The following CPEB2 variants were observed in gnomAD, a reference collection of about 807,000 sequenced individuals.
CPEB2 encodes the protein cytoplasmic polyadenylation element binding protein 2.
In CPEB2, 56 loss-of-function variants were observed where a neutral mutation model predicts 93.6. The ratio of observed to expected loss-of-function variants is 0.60; its 90% CI spans 0.48 to 0.75. The LOEUF is 0.75. CPEB2 is among the 30% of genes least tolerant of loss of function. CPEB2 has a pLI of 0.00. For missense variants in CPEB2, 1,579 were observed against 1,395.1 expected, an observed-to-expected ratio of 1.13 and a Z score of -2.10; for synonymous variants, 764 against 586.3, an observed-to-expected ratio of 1.30 and a Z score of -4.38.
intron 2 of CPEB2, among the ~76,000 whole-genome samples, chr4:15,007,981 C>T (rs777471797): frequency 2.6e-5 from 4 of 152,064 alleles, no homozygotes; most frequent in African/African-American, 4.8e-5. Context: ...CTATAATTGG[C>T]TGTATATATA....
At chr4:15,054,047 A>G in intron 7 of CPEB2, 81 bp from the exon 8 acceptor site, 6 of 892,054 alleles carry the variant, frequency 6.7e-6, no homozygotes, top group Non-Finnish European at 1.1e-5. Flanking sequence ...TAAATGTTAA[A>G]TCTTCATAGT....
chr4:15,069,893 G>A lies in CPEB2; in HGVS notation c.*3513G>A, dbSNP rs1173300370. ...TTTATATTCCTAATGGGGTGTTAAA[G>A]CCGTTTTTTATTTTTTTCTAAATAA... is the stretch of plus-strand genomic sequence containing the variant. On this transcript the variant is annotated 3_prime_UTR_variant, in exon 12 of 12. Coordinates refer to ENST00000538197, the MANE Select transcript of CPEB2 (RefSeq NM_001177382.2). 1.3e-5 allele frequency: 2 copies of A among 151,988 alleles called. No homozygotes were observed. The highest frequency in any genetic ancestry group is 3.0e-5 in the Non-Finnish European group (2 of 67,730). 9.4% of individuals were successfully genotyped at this position (151,988 alleles called of 1,614,324 possible).
chr4:15,017,916 ATT>A lies in CPEB2; in HGVS notation c.2125+642_2125+643del, dbSNP rs1724359968. The A allele has an allele frequency of 2.0e-5, 3 of 151,992 alleles. No homozygotes were observed. The South Asian group carries it at 6.2e-4, about 32-fold the overall frequency. 9.4% of individuals were successfully genotyped at this position (151,992 alleles called of 1,614,324 possible). On this transcript the variant is annotated intron_variant, in intron 4 of 11. Transcript: ENST00000538197. ...AAATGAAAAAAAGCAATTATTATAT[ATT>A]TTTATACAATATATCACATTGTCAT... is the stretch of plus-strand genomic sequence containing the variant.
At chr4:15,033,092 T>C (rs1726284783) in intron 4 of CPEB2, 69 bp from the exon 5 acceptor site, 2 of 1,084,940 alleles carry the variant, frequency 1.8e-6, no homozygotes, top group African/African-American at 3.2e-5. Context: ...TTGTTGTTTT[T>C]TGTTTTTTTG....
At chr4:15,040,003 G>C (rs1727013626) in intron 5 of CPEB2, among the ~76,000 whole-genome samples, 1 of 152,042 alleles carries the variant, frequency 6.6e-6, no homozygotes, top group African/African-American at 2.4e-5. Flanking sequence ...TTCCATGCAG[G>C]ACTTGGTATA....
intron 4 of CPEB2, among the ~76,000 whole-genome samples, chr4:15,019,910 G>A (rs1422738121): frequency 6.6e-6 from 1 of 152,050 alleles, no homozygotes; most frequent in Non-Finnish European, 1.5e-5. Flanking sequence ...TTAAATTTGG[G>A]AGCAGTTTAG....
chr4:15,011,960 A>T (rs1218099846), intron 3 of CPEB2, among the ~76,000 whole-genome samples: 1 of 69,808 alleles, frequency 1.4e-5, no homozygotes. Context: ...ACTTTCCATT[A>T]ATCTTTAATA....
intron 9 of CPEB2, 59 bp from the exon 10 acceptor site, chr4:15,059,128 A>G: frequency 3.9e-6 from 4 of 1,029,166 alleles, no homozygotes; most frequent in Non-Finnish European, 2.9e-6. Context: ...AAAAACAAAC[A>G]AACAGAAAAT....
At chr4:15,045,472 G>A (rs564819578) in intron 6 of CPEB2, among the ~76,000 whole-genome samples, 2 of 151,920 alleles carry the variant, frequency 1.3e-5, no homozygotes, top group Admixed American at 6.6e-5. Flanking sequence ...TTTGTGTAAC[G>A]GTTTATTCTT....
At chr4:15,015,622 A>T (rs955657301) in intron 3 of CPEB2, among the ~76,000 whole-genome samples, 3 of 152,000 alleles carry the variant, frequency 2.0e-5, no homozygotes, top group Non-Finnish European at 4.4e-5. Flanking sequence ...CTTTCTAAAG[A>T]ACTGATTCTG....
chr4:15,058,353 A>T, intron 8 of CPEB2, 68 bp from the exon 9 acceptor site: 2 of 828,962 alleles, frequency 2.4e-6, no homozygotes, highest in South Asian at 1.6e-5. Flanking sequence ...TATTTTCTAA[A>T]TAGTACTGAA....
At chr4:15,048,380 T>TTA (rs916253931) in intron 6 of CPEB2, among the ~76,000 whole-genome samples, 24 of 152,056 alleles carry the variant, frequency 1.6e-4, no homozygotes, top group African/African-American at 5.3e-4. Context: ...TTATTTTAAG[T>TTA]TATGACTTTC....
At chr4:15,029,556 ATAAT>A (rs764457507) in intron 4 of CPEB2, among the ~76,000 whole-genome samples, 7 of 152,120 alleles carry the variant, frequency 4.6e-5, no homozygotes, top group African/African-American at 1.2e-4. Flanking sequence ...TATTTTCACA[ATAAT>A]TAATAAGCAA....
At chr4:15,025,808 A>AT (rs1725383779) in intron 4 of CPEB2, among the ~76,000 whole-genome samples, 1 of 151,850 alleles carries the variant, frequency 6.6e-6, no homozygotes, top group Non-Finnish European at 1.5e-5. Flanking sequence ...CCATGTATAC[A>AT]CGGCTTAGGT....
At position 15,062,069 on chromosome 4, in the gene CPEB2, C is replaced by T; in HGVS notation, c.2696-10C>T. On this transcript the variant is annotated splice_polypyrimidine_tract_variant and intron_variant, in intron 10 of 11. Transcript: ENST00000538197. ...CTCACATTTGATGTAAACTTCTTTT[C>T]CTTTTCAAGTGGAACTTGCTATGAT... 6.3e-7 allele frequency: 1 copy of T among 1,582,300 alleles called. No homozygotes were observed. The highest frequency in any genetic ancestry group is 1.1e-5 in the South Asian group (1 of 87,764).
At chr4:15,022,135 G>A (rs1724878305) in intron 4 of CPEB2, among the ~76,000 whole-genome samples, 1 of 152,270 alleles carries the variant, frequency 6.6e-6, no homozygotes, top group African/African-American at 2.4e-5. Context: ...CAACCATGTG[G>A]TTTTCAGGGC....
chr4:15,051,323 T>G (rs10516283), intron 6 of CPEB2, among the ~76,000 whole-genome samples: 73,298 of 152,000 alleles, frequency 0.48, 18,557 homozygotes, highest in East Asian at 0.75. Flanking sequence ...TGCTAAATAC[T>G]CTAGCCTCAA....
chr4:15,015,711 G>A (rs2047204), intron 3 of CPEB2, among the ~76,000 whole-genome samples: 7,954 of 151,976 alleles, frequency 0.052, 237 homozygotes, highest in Non-Finnish European at 0.07. Context: ...AAGAAATTAT[G>A]TACACACTAG....
rs534266090 is a variant in CPEB2, at chr4:15,004,114, A to AGCGGCGGCG, written c.1453_1461dup (p.Gly485_Gly487dup). The AGCGGCGGCG allele has an allele frequency of 1.6e-5, 24 of 1,475,034 alleles. No individual in the cohort carries two copies. The highest frequency in any genetic ancestry group is 6.0e-5 in the Admixed American group (3 of 50,374). The allele number at this position is 1,475,034 out of a possible 1,614,324, so 91.4% of individuals were successfully genotyped here. A position where few individuals can be genotyped will look rare whatever the true frequency, so the allele number is the denominator to read the frequency against. On this transcript the variant is annotated inframe_insertion, in exon 1 of 12. Coordinates refer to ENST00000538197, the MANE Select transcript of CPEB2 (RefSeq NM_001177382.2). ...CTGCACTGGGCTCAGCGTTCCGACG[A>AGCGGCGGCG]GCGGCGGCGGCGGCGGCGGCTTCGG... is the stretch of plus-strand genomic sequence containing the variant.
Sources: allele counts gnomAD v4.1 joint callset (sites outside exome capture counted in the v4.1 genomes callset), GRCh38; gene constraint gnomAD v4.1.1; transcripts MANE v1.5; gene names NCBI Gene and HGNC (gene_info 2026-07-23, HGNC 2026-07-21).